Variants in TRAF3 observed in about 807,000 individuals in gnomAD.
TRAF3 encodes TNF receptor-associated factor 3.
A neutral mutation model predicts 62.3 loss-of-function variants in TRAF3; 13 were observed. The ratio of observed to expected loss-of-function variants is 0.21; its 90% CI spans 0.14 to 0.33. The LOEUF (loss-of-function observed/expected upper bound fraction) is 0.33. Among genes scored for constraint, TRAF3 ranks in the 10% least tolerant of loss-of-function variants. The pLI is 1.00. For missense variants in TRAF3, 440 were observed against 741.8 expected (o/e 0.59, Z 4.73); for synonymous variants, 269 against 283.4 (o/e 0.95, Z 0.51).
chr14:102,838,991 G>C (rs1886198153), intron 2 of TRAF3, among the ~76,000 whole-genome samples: 1 of 152,034 alleles, frequency 6.6e-6, no homozygotes, highest in African/African-American at 2.4e-5. Flanking sequence ...TCCTGCACCT[G>C]TGCCTTCTAT....
At chr14:102,793,034 A>T (rs1260734257) in intron 1 of TRAF3, among the ~76,000 whole-genome samples, 1 of 151,506 alleles carries the variant, frequency 6.6e-6, no homozygotes, top group African/African-American at 2.4e-5. Context: ...GGTCTCGAAC[A>T]CGTGGTCTCA....
chr14:102,887,432 C>T (rs1889458722), intron 7 of TRAF3, among the ~76,000 whole-genome samples: 1 of 152,232 alleles, frequency 6.6e-6, no homozygotes, highest in Admixed American at 6.5e-5. Flanking sequence ...TGTGCCCTCC[C>T]AGCACCTTGA....
chr14:102,824,535 A>G (rs1900181668), intron 1 of TRAF3, among the ~76,000 whole-genome samples: 1 of 152,220 alleles, frequency 6.6e-6, no homozygotes, highest in Admixed American at 6.5e-5. Flanking sequence ...CGGAATGCCG[A>G]TTACTTGGAT....
chr14:102,867,962 A>G (rs925649512), intron 2 of TRAF3, among the ~76,000 whole-genome samples: 1 of 152,178 alleles, frequency 6.6e-6, no homozygotes, highest in African/African-American at 2.4e-5. Context: ...GTTTGCTTCT[A>G]GCTGTAAAGT....
intron 2 of TRAF3, among the ~76,000 whole-genome samples, chr14:102,846,692 T>G (rs1405688519): frequency 6.7e-6 from 1 of 148,440 alleles, no homozygotes; most frequent in African/African-American, 2.5e-5. Context: ...GGCATCCTCC[T>G]GTGGTCCCAG....
intron 1 of TRAF3, among the ~76,000 whole-genome samples, chr14:102,791,115 G>T (rs897752608): frequency 3.3e-5 from 5 of 151,612 alleles, no homozygotes; most frequent in Non-Finnish European, 5.9e-5. Context: ...CGCCTCCCGG[G>T]TTCATGCCAT....
intron 2 of TRAF3, among the ~76,000 whole-genome samples, chr14:102,863,412 G>A (rs955019451): frequency 6.6e-6 from 1 of 152,102 alleles, no homozygotes; most frequent in Admixed American, 6.5e-5. Flanking sequence ...AGATTTAAGC[G>A]CCTAGAACAA....
At chr14:102,857,209 G>C (rs1271590836) in intron 2 of TRAF3, among the ~76,000 whole-genome samples, 1 of 152,134 alleles carries the variant, frequency 6.6e-6, no homozygotes, top group African/African-American at 2.4e-5. Context: ...GTGAGCAGCA[G>C]CCAGAGATCA....
intron 2 of TRAF3, among the ~76,000 whole-genome samples, chr14:102,845,709 G>A (rs1886665049): frequency 6.6e-6 from 1 of 151,314 alleles, no homozygotes; most frequent in Non-Finnish European, 1.5e-5. Context: ...GTAGAGACAG[G>A]GTTTCACCGT....
intron 2 of TRAF3, 80 bp from the exon 3 acceptor site, chr14:102,870,104 AG>A: frequency 1.9e-6 from 3 of 1,581,028 alleles, no homozygotes; most frequent in Non-Finnish European, 2.6e-6. Flanking sequence ...AGCAGGTCTC[AG>A]GCACTTTTGC....
At chr14:102,840,019 C>T (rs760458800) in intron 2 of TRAF3, among the ~76,000 whole-genome samples, 21 of 152,200 alleles carry the variant, frequency 1.4e-4, no homozygotes, top group African/African-American at 4.3e-4. Flanking sequence ...AAGTTATTCC[C>T]GGAGACTTCC....
chr14:102,792,195 G>C (rs539318709), intron 1 of TRAF3, among the ~76,000 whole-genome samples: 18 of 133,886 alleles, frequency 1.3e-4, no homozygotes, highest in Admixed American at 3.5e-4. Flanking sequence ...TGTGATCATA[G>C]CTCACTGCAG....
chr14:102,844,837 T>G (rs1886596687), intron 2 of TRAF3, among the ~76,000 whole-genome samples: 1 of 151,732 alleles, frequency 6.6e-6, no homozygotes, highest in South Asian at 2.1e-4. Flanking sequence ...GGCCAGGAGT[T>G]TGAGACCAGC....
intron 1 of TRAF3, among the ~76,000 whole-genome samples, chr14:102,803,312 C>G (rs749423674): frequency 1.3e-5 from 2 of 152,100 alleles, no homozygotes; most frequent in Non-Finnish European, 2.9e-5. Context: ...TTCTTTTCAC[C>G]CAGATGGTGC....
intron 2 of TRAF3, among the ~76,000 whole-genome samples, chr14:102,837,897 A>G (rs966354430): frequency 2.0e-5 from 3 of 152,194 alleles, no homozygotes; most frequent in Non-Finnish European, 4.4e-5. Context: ...TTCCTCAACA[A>G]TCCAGACCCT....
chr14:102,839,253 C>G (rs1478342822), intron 2 of TRAF3, among the ~76,000 whole-genome samples: 3 of 123,178 alleles, frequency 2.4e-5, no homozygotes, highest in Non-Finnish European at 4.8e-5. Context: ...CAGTCTCACT[C>G]TGTCACCCAG....
chr14:102,783,861 C>T (rs781699331), intron 1 of TRAF3, among the ~76,000 whole-genome samples: 2 of 152,064 alleles, frequency 1.3e-5, no homozygotes, highest in African/African-American at 4.8e-5. Context: ...GAATTGATGT[C>T]CCTATCTATA....
intron 1 of TRAF3, among the ~76,000 whole-genome samples, chr14:102,785,871 A>C (rs1277327585): frequency 1.3e-5 from 2 of 152,152 alleles, no homozygotes; most frequent in Non-Finnish European, 2.9e-5. Flanking sequence ...GGTCCTTGGG[A>C]TGACAGAGGG....
chr14:102,787,255 A>G (rs1897552597), intron 1 of TRAF3, among the ~76,000 whole-genome samples: 1 of 152,224 alleles, frequency 6.6e-6, no homozygotes, highest in African/African-American at 2.4e-5. Context: ...CTGAAATCAC[A>G]GTATATTTGC....
Sources: allele counts gnomAD v4.1 joint callset (sites outside exome capture counted in the v4.1 genomes callset), GRCh38; gene constraint gnomAD v4.1.1; transcripts MANE v1.5; gene names NCBI Gene and HGNC (gene_info 2026-07-23, HGNC 2026-07-21).